The following SLC35D2 variants were observed in gnomAD, a reference collection of about 807,000 sequenced individuals.
SLC35D2 encodes nucleotide sugar transporter SLC35D2.
In SLC35D2, 43 loss-of-function variants were observed where a neutral mutation model predicts 41.8. The observed-to-expected ratio is 1.03, with a 90% CI of 0.81 to 1.33. The LOEUF (loss-of-function observed/expected upper bound fraction) is 1.33, where lower values mean the gene tolerates loss of function less well. Ranked by LOEUF, SLC35D2 falls within the 40% of genes most tolerant of loss-of-function variation. The pLI, the probability that SLC35D2 is intolerant of heterozygous loss-of-function variation, is 0.00. For missense variants in SLC35D2, 380 were observed against 408.4 expected, an observed-to-expected ratio of 0.93 and a Z score of 0.60; for synonymous variants, 150 against 163.9, an observed-to-expected ratio of 0.92 and a Z score of 0.65.
chr9:96,333,640 G>T (rs1219684349), intron 9 of SLC35D2, among the ~76,000 whole-genome samples: 1 of 151,706 alleles, frequency 6.6e-6, no homozygotes. Context: ...AGACAGATGG[G>T]ATCAAGCCTG....
intron 9 of SLC35D2, among the ~76,000 whole-genome samples, chr9:96,331,463 T>G (rs1405776825): frequency 1.3e-5 from 2 of 152,124 alleles, no homozygotes; most frequent in Admixed American, 6.5e-5. Context: ...CTTACAAGAA[T>G]GTAACCACTC....
chr9:96,373,241 C>T (rs10990768), intron 1 of SLC35D2, among the ~76,000 whole-genome samples: 16,102 of 152,068 alleles, frequency 0.11, 1,116 homozygotes, highest in Middle Eastern at 0.16. Flanking sequence ...GGAGCTAGAA[C>T]GATACCAAGT....
At chr9:96,327,685 G>T (rs1165175860) in intron 9 of SLC35D2, among the ~76,000 whole-genome samples, 1 of 150,882 alleles carries the variant, frequency 6.6e-6, no homozygotes, top group Admixed American at 6.6e-5. Context: ...GCAGTGGTGT[G>T]ATCATGGTTC....
rs1828256798 is a variant in SLC35D2 at position 96,322,021 on chromosome 9, T to C, written c.891A>G (p.Leu297=). 6.2e-7 allele frequency: 1 copy of C among 1,604,918 alleles called. No individual in the cohort carries two copies. The change falls in exon 11 of 12, where the codon TTA becomes TTG. Residue 297 remains leucine (L), a synonymous_variant. Coordinates refer to ENST00000253270, the MANE Select transcript of SLC35D2 (RefSeq NM_007001.3). ...LIGGDYIFSL[L]NFVGLNICMA... ...ACCAAATATTTAACCCTACAAAGTT[T>C]AACAAAGAGAAAATGTAGTCTCCAC...
intron 6 of SLC35D2, among the ~76,000 whole-genome samples, chr9:96,346,846 A>G (rs74667489): frequency 2.0e-5 from 3 of 151,408 alleles, no homozygotes; most frequent in East Asian, 1.9e-4. Flanking sequence ...AAAAAAAAAA[A>G]GGATTTTTGG....
chr9:96,327,488 C>A (rs1261045319), intron 9 of SLC35D2, among the ~76,000 whole-genome samples: 2 of 152,182 alleles, frequency 1.3e-5, no homozygotes, highest in Admixed American at 1.3e-4. Context: ...TAGGACATCA[C>A]TCACCAGCTG....
intron 1 of SLC35D2, among the ~76,000 whole-genome samples, chr9:96,375,520 G>A (rs1001729485): frequency 6.6e-6 from 1 of 151,518 alleles, no homozygotes; most frequent in Non-Finnish European, 1.5e-5. Context: ...GGAGGTTGCT[G>A]TGAGCCAAGA....
intron 9 of SLC35D2, among the ~76,000 whole-genome samples, chr9:96,324,918 G>C (rs1210160088): frequency 6.6e-6 from 1 of 152,146 alleles, no homozygotes; most frequent in Non-Finnish European, 1.5e-5. Context: ...CACATGGTTT[G>C]AGGTGGGGCC....
intron 1 of SLC35D2, among the ~76,000 whole-genome samples, chr9:96,383,242 G>A (rs189826352): frequency 4.6e-4 from 70 of 152,320 alleles, no homozygotes; most frequent in Middle Eastern, 3.4e-3. Context: ...CTAGGACAGG[G>A]CGCCTCGCAG....
intron 6 of SLC35D2, among the ~76,000 whole-genome samples, chr9:96,348,882 G>A (rs1428186171): frequency 1.3e-5 from 2 of 152,188 alleles, no homozygotes; most frequent in African/African-American, 2.4e-5. Flanking sequence ...CACGGTAACT[G>A]AAGGGCCATT....
Position 96,321,236 on chromosome 9 carries a change from G to A in SLC35D2, c.*6C>T, listed in dbSNP as rs775704335. The A allele has an allele frequency of 2.5e-6, 4 of 1,605,982 alleles. No individual in the cohort carries two copies. The highest frequency in any genetic ancestry group is 3.4e-6 in the Non-Finnish European group (4 of 1,172,930). ...CAAGTCAGTCTCCAATCCTGCTGCA[G>A]ACTCTTTAGCTCTTCAAATCCAAAC... On this transcript the variant is annotated 3_prime_UTR_variant, in exon 12 of 12. Coordinates refer to ENST00000253270, the MANE Select transcript of SLC35D2 (RefSeq NM_007001.3).
intron 1 of SLC35D2, among the ~76,000 whole-genome samples, chr9:96,379,721 T>C (rs1357360636): frequency 6.6e-6 from 1 of 152,122 alleles, no homozygotes; most frequent in Non-Finnish European, 1.5e-5. Context: ...TAAAGCATTT[T>C]GAGAGGAAAG....
In SLC35D2 at chr9:96,383,689, C is replaced by T. The variant is rs1216176828; in HGVS notation, c.-55G>A. 1 of 975,032 alleles carries T rather than the reference C, an allele frequency of 1.0e-6. No homozygotes were observed. Among genetic ancestry groups the T allele is most frequent in the Non-Finnish European group, 1.2e-6 (1 of 818,724 alleles). 60.4% of individuals were successfully genotyped at this position (975,032 alleles called of 1,614,324 possible). A position where few individuals can be genotyped will look rare whatever the true frequency, so the allele number is the denominator to read the frequency against. On this transcript the variant is annotated 5_prime_UTR_variant, in exon 1 of 12. Transcript: ENST00000253270. ...GCCAGCCCCGGCTGCGCACTGGTCC[C>T]GCCCGGCCGGGCCGGGGAAGAGGGC...
At chr9:96,332,961 C>T (rs939519268) in intron 9 of SLC35D2, among the ~76,000 whole-genome samples, 3 of 149,902 alleles carry the variant, frequency 2.0e-5, no homozygotes, top group East Asian at 4.1e-4. Context: ...TACAGTGGCA[C>T]GATCTCGGCT....
At chr9:96,349,568 C>T (rs1456415506) in intron 6 of SLC35D2, among the ~76,000 whole-genome samples, 1 of 152,080 alleles carries the variant, frequency 6.6e-6, no homozygotes, top group East Asian at 1.9e-4. Flanking sequence ...CTCTGTCGTC[C>T]AGGCTGGAGT....
chr9:96,325,195 G>A (rs1828465583), intron 9 of SLC35D2, among the ~76,000 whole-genome samples: 1 of 152,132 alleles, frequency 6.6e-6, no homozygotes, highest in African/African-American at 2.4e-5. Flanking sequence ...CACATACACA[G>A]GTAAAGAATG....
At chr9:96,326,700 A>C (rs1055874277) in intron 9 of SLC35D2, among the ~76,000 whole-genome samples, 4 of 150,902 alleles carry the variant, frequency 2.7e-5, no homozygotes, top group African/African-American at 9.8e-5. Flanking sequence ...AGCTACTCGG[A>C]GGCGCTGAGG....
At position 96,374,272 on chromosome 9, in the gene SLC35D2, C is replaced by T. The variant is rs9802708; in HGVS notation, c.159-5967G>A. On this transcript the variant is annotated intron_variant, in intron 1 of 11. Coordinates refer to ENST00000253270, the MANE Select transcript of SLC35D2 (RefSeq NM_007001.3). The stretch of plus-strand genomic sequence containing the variant: ...TTGGCCGGGTGTGGTGGCTCACGCA[C>T]GGCCTGTAATCCCAGCACTTTGGGA... Among the ~76,000 whole-genome samples the T allele has an allele frequency of 5.0e-3, 765 of 152,140 alleles. 11 individuals are homozygous for T. The highest frequency in any genetic ancestry group is 0.044 in the Admixed American group (675 of 15,258).
At chr9:96,362,633 G>A (rs193025107) in intron 3 of SLC35D2, among the ~76,000 whole-genome samples, 1 of 152,228 alleles carries the variant, frequency 6.6e-6, no homozygotes, top group Admixed American at 6.5e-5. Flanking sequence ...CCCATTTCAT[G>A]ACCTAAATAA....
Sources: allele counts gnomAD v4.1 joint callset (sites outside exome capture counted in the v4.1 genomes callset), GRCh38; gene constraint gnomAD v4.1.1; transcripts MANE v1.5; gene names NCBI Gene and HGNC (gene_info 2026-07-23, HGNC 2026-07-21).